The following ATP11C variants were observed in gnomAD, a reference collection of about 807,000 sequenced individuals.
ATP11C encodes the protein phospholipid-transporting ATPase IG.
Under a neutral mutation model 97.4 loss-of-function variants are expected in ATP11C, and 36 were observed. The ratio of observed to expected loss-of-function variants is 0.37; its 90% CI spans 0.28 to 0.49. The LOEUF (loss-of-function observed/expected upper bound fraction) is 0.49. Among genes scored for constraint, ATP11C ranks in the 20% least tolerant of loss-of-function variants. The pLI is 0.98. For missense variants in ATP11C, 730 were observed against 824.6 expected (o/e 0.89, Z 1.40); for synonymous variants, 275 against 290.9 (o/e 0.95, Z 0.56).
rs745852652 is a variant in ATP11C, at chrX:139,860,536, G to A, written c.28-33713C>T. Among the ~76,000 whole-genome samples, 10 of 111,980 alleles carry A rather than the reference G, an allele frequency of 8.9e-5. No individual in the cohort carries two copies. In the South Asian group the frequency reaches 3.7e-3, roughly 42 times the overall value. On this transcript the variant is annotated intron_variant, in intron 1 of 29. Coordinates refer to ENST00000682941, the MANE Select transcript of ATP11C (RefSeq NM_001353812.2). ...GTTACTTCAAAATAATCCAGATTCA[G>A]GCTGGGTGCAGTGGCTCACACCTGT...
chrX:139,728,984 G>T, intron 29 of ATP11C, 22 bp from the exon 30 acceptor site: 1 of 1,086,352 alleles, frequency 9.2e-7, no homozygotes, highest in South Asian at 2.0e-5. Flanking sequence ...AAAATATACA[G>T]ATTTAAAAGG....
chrX:139,817,059 T>C lies in ATP11C; in HGVS notation c.238-116A>G, dbSNP rs887036577. 7 of 383,521 alleles carry C rather than the reference T, an allele frequency of 1.8e-5. 1 individual carries two copies. The Middle Eastern group carries it at 2.3e-3, about 128-fold the overall frequency. 31.6% of individuals were successfully genotyped at this position (383,521 alleles called of 1,213,427 possible). A position where few individuals can be genotyped will look rare whatever the true frequency, so the allele number is the denominator to read the frequency against. On this transcript the variant is annotated intron_variant, in intron 3 of 29. Transcript: ENST00000682941. ...ACATAGACAAAACACTTTCCAGTAG[T>C]AGGGTAAATATTAATTTTCATTAAA...
At chrX:139,934,204 C>T (rs959428348), upstream of ATP11C, among the ~76,000 whole-genome samples, 1 of 111,555 alleles carries the variant, frequency 9.0e-6, no homozygotes, top group Non-Finnish European at 1.9e-5. Flanking sequence ...CGAACGAAAG[C>T]TAAAATCTAA....
At position 139,865,685 on chromosome X, in the gene ATP11C, C is replaced by T. The variant is rs188459575; in HGVS notation, c.28-38862G>A. Among the ~76,000 whole-genome samples, 29 of 110,936 alleles carry T rather than the reference C, an allele frequency of 2.6e-4. No individual in the cohort carries two copies. In the East Asian group the frequency reaches 8.0e-3, roughly 31 times the overall value. On this transcript the variant is annotated intron_variant, in intron 1 of 29. Coordinates refer to ENST00000682941, the MANE Select transcript of ATP11C (RefSeq NM_001353812.2). ...CTAAGGCAGTAGAATCGCTTGAACCCGGGAGGCGGAGGTTGCAGTGAGCAA... is the reference window on the plus strand; with the variant it reads ...CTAAGGCAGTAGAATCGCTTGAACCTGGGAGGCGGAGGTTGCAGTGAGCAA...
chrX:139,784,949 T>C (rs1226408455), intron 16 of ATP11C, among the ~76,000 whole-genome samples: 1 of 111,799 alleles, frequency 8.9e-6, no homozygotes, highest in Non-Finnish European at 1.9e-5. Context: ...AAGTCATCCT[T>C]TCAGTTCCTG....
chrX:139,733,156 G>A (rs1273442576), intron 28 of ATP11C, among the ~76,000 whole-genome samples: 3 of 111,959 alleles, frequency 2.7e-5, no homozygotes, highest in Non-Finnish European at 5.7e-5. Flanking sequence ...GTCCTCTTTA[G>A]AAAGATAGGC....
intron 1 of ATP11C, among the ~76,000 whole-genome samples, chrX:139,844,432 C>A (rs1209864705): frequency 9.0e-6 from 1 of 110,854 alleles, no homozygotes; most frequent in Non-Finnish European, 1.9e-5. Context: ...ACCTGCAATG[C>A]AGGAAAGGCC....
At chrX:139,897,236 G>A (rs1339993343) in intron 1 of ATP11C, among the ~76,000 whole-genome samples, 1 of 110,709 alleles carries the variant, frequency 9.0e-6, no homozygotes, top group East Asian at 2.9e-4. Flanking sequence ...AATAATAAGG[G>A]AAACTGGGTA....
At chrX:139,896,760 C>A (rs965722233) in intron 1 of ATP11C, among the ~76,000 whole-genome samples, 2 of 109,085 alleles carry the variant, frequency 1.8e-5, no homozygotes, top group Non-Finnish European at 3.8e-5. Flanking sequence ...AAGCATGCCA[C>A]CACACCCGGC....
At chrX:139,769,275 A>AACAT (rs1425040936) in intron 19 of ATP11C, among the ~76,000 whole-genome samples, 14 of 47,226 alleles carry the variant, frequency 3.0e-4, no homozygotes, top group East Asian at 8.9e-4. Flanking sequence ...CTTTGGGGCA[A>AACAT]ACATACATAT....
At position 139,804,610 on chromosome X, in the gene ATP11C, G is replaced by A; in HGVS notation, c.427-11C>T. On this transcript the variant is annotated splice_polypyrimidine_tract_variant and intron_variant, in intron 5 of 29. Transcript: ENST00000682941. ...TACTACATCACCAACCTGGAATTGA[G>A]AAATAAATATAAATATTTTAAATTC... The A allele has an allele frequency of 8.6e-7, 1 of 1,161,881 alleles. No homozygotes were observed. Among genetic ancestry groups the A allele is most frequent in the Non-Finnish European group, 1.2e-6 (1 of 864,447 alleles).
At chrX:139,803,365 A>C (rs1450210773) in intron 6 of ATP11C, among the ~76,000 whole-genome samples, 1 of 111,430 alleles carries the variant, frequency 9.0e-6, no homozygotes, top group Non-Finnish European at 1.9e-5. Flanking sequence ...TTTTTTACAT[A>C]CTGAGTCGTA....
chrX:139,839,571 G>C (rs768426107), intron 1 of ATP11C, among the ~76,000 whole-genome samples: 1 of 110,691 alleles, frequency 9.0e-6, no homozygotes, highest in African/African-American at 3.3e-5. Context: ...ATAGGGAGAG[G>C]GGAGACCGGG....
chrX:139,833,966 T>C (rs1245030679), intron 1 of ATP11C, among the ~76,000 whole-genome samples: 1 of 111,651 alleles, frequency 9.0e-6, no homozygotes, highest in Non-Finnish European at 1.9e-5. Context: ...AGGATGAGGT[T>C]TGCAGATGTT....
chrX:139,731,834 T>A, intron 28 of ATP11C, 79 bp from the exon 29 acceptor site: 1 of 610,610 alleles, frequency 1.6e-6, no homozygotes. Context: ...TAAAAAAAGG[T>A]AAAAGAAAAA....
intron 1 of ATP11C, among the ~76,000 whole-genome samples, chrX:139,844,604 C>T: frequency 8.9e-6 from 1 of 112,095 alleles, no homozygotes; most frequent in African/African-American, 3.2e-5. Context: ...AATGGTTGGC[C>T]TCAGACATTC....
At chrX:139,925,235 C>G (rs1416249855) in intron 1 of ATP11C, among the ~76,000 whole-genome samples, 1 of 112,056 alleles carries the variant, frequency 8.9e-6, no homozygotes, top group Non-Finnish European at 1.9e-5. Context: ...TCACCCAAGA[C>G]TTGGATTCAG....
intron 29 of ATP11C, among the ~76,000 whole-genome samples, chrX:139,730,333 ATC>A (rs1189013341): frequency 9.0e-6 from 1 of 110,547 alleles, no homozygotes; most frequent in African/African-American, 3.3e-5. Context: ...GCTAAAATGC[ATC>A]ACACAGCTTA....
At chrX:139,909,756 T>C (rs2085042123) in intron 1 of ATP11C, 1 of 111,791 alleles carries the variant, frequency 8.9e-6, no homozygotes, top group Non-Finnish European at 1.9e-5. Flanking sequence ...AATATCTCAA[T>C]AAAATTTTAC....
Sources: gnomAD v4.1 joint callset for allele counts (sites outside exome capture counted in the v4.1 genomes callset) on GRCh38, gnomAD v4.1.1 for gene constraint, MANE v1.5 for transcripts, NCBI Gene and HGNC (gene_info 2026-07-23, HGNC 2026-07-21) for gene names.